Variants in TEK observed in about 807,000 individuals in gnomAD.
TEK encodes angiopoietin-1 receptor.
TEK carries 43 observed loss-of-function variants against 131.8 expected under a neutral mutation model. That is an observed-to-expected ratio of 0.33 (90% confidence interval 0.26 to 0.42). The LOEUF (loss-of-function observed/expected upper bound fraction) is 0.42, where lower values mean the gene tolerates loss of function less well. TEK is among the 10% of genes least tolerant of loss of function. TEK has a pLI of 1.00. For synonymous variants in TEK, 580 were observed against 491.6 expected (o/e 1.18, Z -2.38); for missense variants, 1,162 against 1,384.4 (o/e 0.84, Z 2.55).
At chr9:27,213,270 T>G (rs1055381558) in intron 17 of TEK, among the ~76,000 whole-genome samples, 3 of 152,204 alleles carry the variant, frequency 2.0e-5, no homozygotes, top group African/African-American at 7.2e-5. Context: ...CTGTGTTTTT[T>G]ATTTGTTCGT....
At chr9:27,175,406 G>T (rs1203038530) in intron 6 of TEK, among the ~76,000 whole-genome samples, 1 of 151,350 alleles carries the variant, frequency 6.6e-6, no homozygotes, top group Non-Finnish European at 1.5e-5. Flanking sequence ...ATTTGGGTTG[G>T]TTCCAAGTCT....
chr9:27,157,502 T>G (rs1392260992), intron 1 of TEK, among the ~76,000 whole-genome samples: 3 of 152,224 alleles, frequency 2.0e-5, no homozygotes, highest in Non-Finnish European at 4.4e-5. Flanking sequence ...GATAATGTCA[T>G]TATTATTAAT....
Position 27,169,616 on chromosome 9 carries a change from G to A in TEK, c.615G>A (p.Arg205=), listed in dbSNP as rs1371379921. The change falls in exon 4 of 23, where the codon AGG becomes AGA. Residue 205 remains arginine (R), a synonymous_variant. Coordinates refer to ENST00000380036, the MANE Select transcript of TEK (RefSeq NM_000459.5). ...ACCTCTTCACCTCGGCCTTCACCAG[G>A]CTGATAGTCCGGAGTAAGTGATGGA... ...GGNLFTSAFT[R]LIVRRCEAQK... 3 of 1,613,972 alleles carry A rather than the reference G, an allele frequency of 1.9e-6. No individual in the cohort carries two copies. Among genetic ancestry groups the A allele is most frequent in the Admixed American group, 3.3e-5 (2 of 60,008 alleles).
intron 9 of TEK, among the ~76,000 whole-genome samples, chr9:27,189,255 C>T (rs1824718696): frequency 6.6e-6 from 1 of 152,134 alleles, no homozygotes; most frequent in Non-Finnish European, 1.5e-5. Flanking sequence ...AGTCTTTGCC[C>T]TAATGGAATT....
chr9:27,204,258 T>G (rs994610257), intron 13 of TEK, among the ~76,000 whole-genome samples: 1 of 152,228 alleles, frequency 6.6e-6, no homozygotes, highest in Non-Finnish European at 1.5e-5. Context: ...TATGTGCTAT[T>G]GCTAATAAAA....
intron 9 of TEK, among the ~76,000 whole-genome samples, chr9:27,186,991 C>T (rs558959942): frequency 8.5e-5 from 13 of 152,204 alleles, no homozygotes; most frequent in South Asian, 6.2e-4. Context: ...AGAACATTCA[C>T]GTGATTAAAA....
chr9:27,228,033 A>T (rs899856233), intron 21 of TEK, among the ~76,000 whole-genome samples, 173 bp from the exon 22 acceptor site: 1 of 152,120 alleles, frequency 6.6e-6, no homozygotes, highest in African/African-American at 2.4e-5. Context: ...GAGGAGTTGA[A>T]ATGAGACTGG....
At chr9:27,128,771 G>A (rs1029268631) in intron 1 of TEK, among the ~76,000 whole-genome samples, 2 of 151,080 alleles carry the variant, frequency 1.3e-5, no homozygotes, top group East Asian at 2.0e-4. Flanking sequence ...TGATTTGGCT[G>A]TCTGTTTGTC....
chr9:27,183,717 A>T (rs1824487370), intron 8 of TEK, 107 bp downstream of exon 8: 2 of 1,459,220 alleles, frequency 1.4e-6, no homozygotes, highest in Non-Finnish European at 1.9e-6. Context: ...CTCCTAGGCT[A>T]GTGTGTTGTT....
chr9:27,136,145 G>T, intron 1 of TEK, among the ~76,000 whole-genome samples: 1 of 149,054 alleles, frequency 6.7e-6, no homozygotes, highest in African/African-American at 2.5e-5. Context: ...GCAGTGGCAC[G>T]ATCTTGGCTC....
rs758497237 is a variant in TEK, at chr9:27,212,798, T to C, written c.2778T>C (p.Phe926=). ...KSRVLETDPA[F]AIANSTASTL... ...GTGTGCTGGAGACGGACCCAGCATT[T>C]GCCATTGCCAATAGCACCGCGTCCA... is the stretch of plus-strand genomic sequence containing the variant. The change falls in exon 17 of 23, where the codon TTT becomes TTC. Residue 926 remains phenylalanine (F), a synonymous_variant. Coordinates refer to ENST00000380036, the MANE Select transcript of TEK (RefSeq NM_000459.5). 25 of 1,613,974 alleles carry C rather than the reference T, an allele frequency of 1.5e-5. No individual in the cohort carries two copies. The highest frequency in any genetic ancestry group is 1.9e-5 in the Non-Finnish European group (22 of 1,180,020).
intron 2 of TEK, among the ~76,000 whole-genome samples, chr9:27,166,620 T>A (rs1363484103): frequency 6.6e-6 from 1 of 152,224 alleles, no homozygotes; most frequent in African/African-American, 2.4e-5. Flanking sequence ...TTTATAATAA[T>A]TTTTTCTGTA....
chr9:27,130,016 T>C (rs1429152566), intron 1 of TEK, among the ~76,000 whole-genome samples: 2 of 152,200 alleles, frequency 1.3e-5, no homozygotes, highest in East Asian at 1.9e-4. Flanking sequence ...ATAACTCTTA[T>C]CCAATCACCT....
intron 1 of TEK, among the ~76,000 whole-genome samples, chr9:27,111,538 A>C (rs1355636352): frequency 1.3e-5 from 2 of 152,024 alleles, no homozygotes; most frequent in African/African-American, 4.8e-5. Context: ...AGACTGAAAA[A>C]AAAAAAAAGC....
At chr9:27,131,549 G>C (rs571353742) in intron 1 of TEK, among the ~76,000 whole-genome samples, 1 of 151,168 alleles carries the variant, frequency 6.6e-6, no homozygotes, top group Non-Finnish European at 1.5e-5. Context: ...TTGGCCAGGC[G>C]TGGTAGCTCA....
At chr9:27,160,352 C>T (rs756962871) in intron 2 of TEK, among the ~76,000 whole-genome samples, 22 of 152,176 alleles carry the variant, frequency 1.4e-4, no homozygotes, top group Non-Finnish European at 2.8e-4. Flanking sequence ...AGTTAAGTAA[C>T]ACACCTCTGC....
At chr9:27,207,548 A>G (rs556336375) in intron 15 of TEK, among the ~76,000 whole-genome samples, 2 of 152,354 alleles carry the variant, frequency 1.3e-5, no homozygotes, top group South Asian at 4.1e-4. Flanking sequence ...AGAAAGCAGC[A>G]TGACTAGTTC....
intron 4 of TEK, among the ~76,000 whole-genome samples, chr9:27,170,794 A>C (rs1823926584): frequency 6.6e-6 from 1 of 152,146 alleles, no homozygotes; most frequent in African/African-American, 2.4e-5. Context: ...ATAAATAATC[A>C]GATTGGCCTA....
At chr9:27,220,315 T>C (rs1051541266) in intron 21 of TEK, among the ~76,000 whole-genome samples, 170 bp downstream of exon 21, 3 of 152,114 alleles carry the variant, frequency 2.0e-5, no homozygotes, top group African/African-American at 7.2e-5. Context: ...TGTTATATAA[T>C]ACACAAGAAG....
Sources: gnomAD v4.1 joint callset for allele counts (sites outside exome capture counted in the v4.1 genomes callset) on GRCh38, gnomAD v4.1.1 for gene constraint, MANE v1.5 for transcripts, NCBI Gene and HGNC (gene_info 2026-07-23, HGNC 2026-07-21) for gene names.